Variants in MTBP observed in about 807,000 individuals in gnomAD.
MTBP encodes MDM2 binding protein.
MTBP carries 101 observed loss-of-function variants against 117.0 expected under a neutral mutation model. The ratio of observed to expected loss-of-function variants is 0.86; its 90% CI spans 0.73 to 1.02. The LOEUF is 1.02. Ranked by LOEUF, MTBP falls within the 50% of genes least tolerant of loss-of-function variation. The probability of loss-of-function intolerance (pLI) is 0.00; values close to 1 mark genes in which losing one functional copy is unlikely to be tolerated. For synonymous variants in MTBP, 350 were observed against 351.5 expected (o/e 1.00, Z 0.05); for missense variants, 970 against 1,030.9 (o/e 0.94, Z 0.81).
intron 12 of MTBP, among the ~76,000 whole-genome samples, chr8:120,488,640 A>G (rs892193349): frequency 2.0e-5 from 3 of 151,996 alleles, no homozygotes; most frequent in Non-Finnish European, 4.4e-5. Context: ...TCCCATTTTC[A>G]TTTATATCGT....
intron 17 of MTBP, among the ~76,000 whole-genome samples, chr8:120,513,742 C>T (rs1185906980): frequency 6.6e-6 from 1 of 151,986 alleles, no homozygotes; most frequent in East Asian, 1.9e-4. Context: ...TGTATTCAAG[C>T]TCATCAGGCA....
chr8:120,494,942 C>A (rs1217197870), intron 13 of MTBP, among the ~76,000 whole-genome samples: 1 of 152,102 alleles, frequency 6.6e-6, no homozygotes, highest in Non-Finnish European at 1.5e-5. Flanking sequence ...CTTTTTATTT[C>A]TCTATTGTTT....
At chr8:120,465,117 A>C (rs1813660190) in intron 10 of MTBP, among the ~76,000 whole-genome samples, 1 of 152,178 alleles carries the variant, frequency 6.6e-6, no homozygotes, top group Non-Finnish European at 1.5e-5. Flanking sequence ...AGAATAAAAA[A>C]TACCCTGCTT....
At chr8:120,456,833 A>G (rs1021365489) in intron 7 of MTBP, among the ~76,000 whole-genome samples, 163 bp downstream of exon 7, 4 of 152,184 alleles carry the variant, frequency 2.6e-5, no homozygotes, top group African/African-American at 9.6e-5. Context: ...GTGCTAATAC[A>G]CTAGCCTACA....
At chr8:120,504,332 T>G (rs1475548951) in intron 15 of MTBP, among the ~76,000 whole-genome samples, 1 of 152,184 alleles carries the variant, frequency 6.6e-6, no homozygotes, top group East Asian at 1.9e-4. Context: ...TCTTCCCTTT[T>G]TATCTTCTAT....
intron 11 of MTBP, among the ~76,000 whole-genome samples, chr8:120,480,675 T>C (rs1814061146): frequency 6.6e-6 from 1 of 152,118 alleles, no homozygotes; most frequent in Non-Finnish European, 1.5e-5. Flanking sequence ...GATATGCATA[T>C]GTAAAAATTA....
At chr8:120,475,833 G>T (rs1057427565) in intron 11 of MTBP, among the ~76,000 whole-genome samples, 2 of 151,866 alleles carry the variant, frequency 1.3e-5, no homozygotes, top group African/African-American at 2.4e-5. Flanking sequence ...TGTTTACAGA[G>T]ATATTTTATG....
chr8:120,467,686 T>C (rs4548223), intron 10 of MTBP, among the ~76,000 whole-genome samples: 81,380 of 152,106 alleles, frequency 0.54, 24,808 homozygotes, highest in Non-Finnish European at 0.67. Context: ...GAACAGATCA[T>C]CCTCAAGTCT....
chr8:120,501,190 CAA>C (rs59706254), intron 14 of MTBP, among the ~76,000 whole-genome samples: 7,834 of 45,430 alleles, frequency 0.17, 455 homozygotes, highest in South Asian at 0.24. Flanking sequence ...AACTCCATCT[CAA>C]AAAAAAAAAA....
intron 11 of MTBP, among the ~76,000 whole-genome samples, chr8:120,482,701 T>C (rs1814112647): frequency 6.6e-6 from 1 of 151,922 alleles, no homozygotes; most frequent in Non-Finnish European, 1.5e-5. Context: ...TTTTTTTTTT[T>C]CTTTCTTTCT....
intron 10 of MTBP, among the ~76,000 whole-genome samples, chr8:120,465,259 G>T (rs1813663087): frequency 6.6e-6 from 1 of 152,114 alleles, no homozygotes; most frequent in South Asian, 2.1e-4. Flanking sequence ...CCAAATAAGG[G>T]AGGAAAGGAA....
chr8:120,518,723 C>T lies in MTBP; in HGVS notation c.2516C>T (p.Thr839Ile). The T allele has an allele frequency of 5.0e-6, 8 of 1,609,374 alleles. No homozygotes were observed. Among genetic ancestry groups the T allele is most frequent in the African/African-American group, 1.3e-5 (1 of 74,762 alleles). Residue 839 changes from threonine (T) to isoleucine (I), a missense_variant, in exon 20 of 22, where the codon ACT becomes ATT. Coordinates refer to ENST00000305949, the MANE Select transcript of MTBP (RefSeq NM_022045.5). ...TTCAAGATACTGAAAGAAGTAGTTACTGAAACCCTGAAGAAACACAGTATT... is the reference window on the plus strand; with the variant it reads ...TTCAAGATACTGAAAGAAGTAGTTATTGAAACCCTGAAGAAACACAGTATT... The part of the protein sequence containing the change: ...KHTRILKEVV[T>I]ETLKKHSITE...
At chr8:120,494,124 T>C (rs1008319806) in intron 13 of MTBP, among the ~76,000 whole-genome samples, 10 of 152,164 alleles carry the variant, frequency 6.6e-5, no homozygotes, top group African/African-American at 1.9e-4. Flanking sequence ...ATGAAGCTGA[T>C]GTTCTAAAGT....
intron 17 of MTBP, among the ~76,000 whole-genome samples, chr8:120,512,532 A>G (rs973196253): frequency 6.6e-6 from 1 of 150,406 alleles, no homozygotes; most frequent in South Asian, 2.2e-4. Context: ...ATGATCATTT[A>G]TCAAAATATT....
At chr8:120,522,782 C>G in intron 21 of MTBP, 63 bp downstream of exon 21, 1 of 1,280,336 alleles carries the variant, frequency 7.8e-7, no homozygotes, top group Non-Finnish European at 1.1e-6. Flanking sequence ...CAGGGTTGCT[C>G]TGATGCCATT....
intron 14 of MTBP, 21 bp from the exon 15 acceptor site, chr8:120,502,471 T>C (rs773018955): frequency 1.1e-5 from 16 of 1,466,738 alleles, no homozygotes; most frequent in Non-Finnish European, 1.3e-5. Flanking sequence ...TTCAGACTTA[T>C]GTGTATTTCT....
intron 10 of MTBP, among the ~76,000 whole-genome samples, chr8:120,466,991 G>C (rs1190958789): frequency 6.6e-6 from 1 of 152,144 alleles, no homozygotes; most frequent in Non-Finnish European, 1.5e-5. Context: ...AGAATAAGAT[G>C]GACAGGCCCT....
intron 16 of MTBP, among the ~76,000 whole-genome samples, chr8:120,508,134 A>T (rs1156490054): frequency 1.3e-5 from 2 of 152,152 alleles, no homozygotes; most frequent in Admixed American, 1.3e-4. Flanking sequence ...TGTTAACATT[A>T]GAGTTGAAGG....
Position 120,445,595 on chromosome 8 carries a change from G to C in MTBP, c.118+7G>C, listed in dbSNP as rs201153264. On this transcript the variant is annotated splice_region_variant and intron_variant, in intron 1 of 21. Coordinates refer to ENST00000305949, the MANE Select transcript of MTBP (RefSeq NM_022045.5). ...GGTACTGAGAATCAGCCGGGTAAGC[G>C]CTGGGATGAGAAAGAGCGGGAACGG... 4.1e-5 allele frequency: 65 copies of C among 1,595,272 alleles called. 1 individual carries two copies. The highest frequency in any genetic ancestry group is 5.4e-5 in the Non-Finnish European group (63 of 1,171,596).
Sources: gnomAD v4.1 joint callset for allele counts (sites outside exome capture counted in the v4.1 genomes callset) on GRCh38, gnomAD v4.1.1 for gene constraint, MANE v1.5 for transcripts, NCBI Gene and HGNC (gene_info 2026-07-23, HGNC 2026-07-21) for gene names.